The following ERBIN variants were observed in gnomAD, a reference collection of about 807,000 sequenced individuals.
The protein encoded by ERBIN is erbb2 interacting protein, also known as densin-180-like protein.
A neutral mutation model predicts 158.4 loss-of-function variants in ERBIN; 60 were observed. The ratio of observed to expected loss-of-function variants is 0.38; its 90% CI spans 0.31 to 0.47. The LOEUF (loss-of-function observed/expected upper bound fraction) is 0.47. Among genes scored for constraint, ERBIN ranks in the 20% least tolerant of loss-of-function variants. The pLI, the probability that ERBIN is intolerant of heterozygous loss-of-function variation, is 0.99. For missense variants in ERBIN, 1,610 were observed against 1,648.0 expected (o/e 0.98, Z 0.40); for synonymous variants, 594 against 557.2 (o/e 1.07, Z -0.93).
At chr5:65,983,761 C>T (rs1750903415) in intron 1 of ERBIN, among the ~76,000 whole-genome samples, 1 of 152,164 alleles carries the variant, frequency 6.6e-6, no homozygotes, top group African/African-American at 2.4e-5. Context: ...TTGCCATGGC[C>T]TCCAAAGCTT....
chr5:66,023,272 C>CA lies in ERBIN; in HGVS notation c.598-18_598-17insA. The CA allele has an allele frequency of 6.2e-7, 1 of 1,600,238 alleles. No homozygotes were observed. Among genetic ancestry groups the CA allele is most frequent in the Non-Finnish European group, 8.6e-7 (1 of 1,168,558 alleles). Reference sequence around the variant, plus strand: ...AAATTAATTGAATTACTGCTATCCCCTACCCTAATCCCAACAGCCTGAAGT... The same window carrying CA: ...AAATTAATTGAATTACTGCTATCCCCATACCCTAATCCCAACAGCCTGAAGT... On this transcript the variant is annotated splice_polypyrimidine_tract_variant and intron_variant, in intron 8 of 25. Coordinates refer to ENST00000284037, the MANE Select transcript of ERBIN (RefSeq NM_001253697.2).
intron 1 of ERBIN, among the ~76,000 whole-genome samples, chr5:65,944,998 A>G (rs1398208484): frequency 3.9e-5 from 6 of 152,236 alleles, no homozygotes; most frequent in African/African-American, 1.2e-4. Context: ...AAATGGAGCA[A>G]ATGATCTCCT....
intron 1 of ERBIN, among the ~76,000 whole-genome samples, chr5:65,987,439 A>G (rs114236321): frequency 0.21 from 31,195 of 150,992 alleles, 3,983 homozygotes; most frequent in South Asian, 0.32. Context: ...GTGCACGCTT[A>G]TAGTCCCAGC....
At chr5:65,977,219 G>A (rs1400235297) in intron 1 of ERBIN, among the ~76,000 whole-genome samples, 4 of 144,298 alleles carry the variant, frequency 2.8e-5, no homozygotes, top group Admixed American at 2.0e-4. Context: ...CCTCCCTCCC[G>A]GATGGGGCGG....
intron 4 of ERBIN, 30 bp from the exon 5 acceptor site, chr5:66,012,019 C>G (rs761526197): frequency 7.1e-7 from 1 of 1,406,622 alleles, no homozygotes; most frequent in South Asian, 1.2e-5. Flanking sequence ...TGTAATAGAT[C>G]TTTTAATTTG....
chr5:65,985,889 A>G (rs1751173772), intron 1 of ERBIN, among the ~76,000 whole-genome samples: 3 of 152,076 alleles, frequency 2.0e-5, no homozygotes, highest in Admixed American at 1.3e-4. Flanking sequence ...TGGCCATTCT[A>G]AGTCCTTATT....
intron 1 of ERBIN, chr5:65,961,316 G>A (rs1747881183): frequency 6.6e-6 from 1 of 152,194 alleles, no homozygotes; most frequent in African/African-American, 2.4e-5. Context: ...TTGATAAAAT[G>A]TGACTTACGC....
At chr5:66,078,372 C>T in intron 25 of ERBIN, 51 bp from the exon 26 acceptor site, 1 of 1,169,260 alleles carries the variant, frequency 8.6e-7, no homozygotes, top group South Asian at 1.4e-5. Flanking sequence ...GGCAGAAATG[C>T]AAATAAATAA....
chr5:66,057,716 A>C, intron 21 of ERBIN, among the ~76,000 whole-genome samples: 1 of 99,074 alleles, frequency 1.0e-5, no homozygotes, highest in Non-Finnish European at 2.0e-5. Context: ...CCGACCCCAC[A>C]ACAGTCCCCA....
chr5:65,958,071 G>A (rs1747440620), intron 1 of ERBIN, among the ~76,000 whole-genome samples: 1 of 151,726 alleles, frequency 6.6e-6, no homozygotes, highest in Non-Finnish European at 1.5e-5. Flanking sequence ...GGGCGGCAGG[G>A]CAGAGACGCT....
intron 21 of ERBIN, among the ~76,000 whole-genome samples, chr5:66,056,568 A>G (rs1417837680): frequency 6.6e-6 from 1 of 151,890 alleles, no homozygotes; most frequent in African/African-American, 2.4e-5. Context: ...TGAAATATTT[A>G]CATATTTTGA....
intron 1 of ERBIN, among the ~76,000 whole-genome samples, chr5:65,938,146 ATATT>A (rs1744320868): frequency 6.6e-6 from 1 of 151,804 alleles, no homozygotes; most frequent in Non-Finnish European, 1.5e-5. Context: ...TATTTTTGTT[ATATT>A]TATTTCTAAA....
chr5:65,940,894 G>A (rs1387127052), intron 1 of ERBIN, among the ~76,000 whole-genome samples: 1 of 152,178 alleles, frequency 6.6e-6, no homozygotes, highest in African/African-American at 2.4e-5. Context: ...GGCGGGGAAA[G>A]GATTGAGAAA....
chr5:65,927,251 G>A (rs1433451098), intron 1 of ERBIN, among the ~76,000 whole-genome samples: 1 of 152,140 alleles, frequency 6.6e-6, no homozygotes, highest in Non-Finnish European at 1.5e-5. Context: ...TACTCATACC[G>A]ATTATATTGG....
chr5:65,977,289 G>T (rs544233390), intron 1 of ERBIN, among the ~76,000 whole-genome samples: 7 of 147,418 alleles, frequency 4.7e-5, no homozygotes, highest in South Asian at 4.3e-4. Context: ...CTGGCCGGGC[G>T]GGGGGCTGAC....
chr5:65,961,463 C>G (rs568468404), intron 1 of ERBIN: 1 of 152,130 alleles, frequency 6.6e-6, no homozygotes, highest in Non-Finnish European at 1.5e-5. Flanking sequence ...ATCTACTGGC[C>G]TGAAGAGTTT....
At chr5:65,963,538 C>CTG in intron 1 of ERBIN, among the ~76,000 whole-genome samples, 1 of 152,118 alleles carries the variant, frequency 6.6e-6, no homozygotes, top group East Asian at 1.9e-4. Flanking sequence ...GTGGAGGTTG[C>CTG]AGTGAGCTGA....
rs1762242595 is a variant in ERBIN at position 66,078,833 on chromosome 5, A to T, written c.*303A>T. ...TTGTAGGTTTATTTTTGGATTTCATATACATGACTGAACTGTGTGCAAGGC... is the reference window on the plus strand; with the variant it reads ...TTGTAGGTTTATTTTTGGATTTCATTTACATGACTGAACTGTGTGCAAGGC... On this transcript the variant is annotated 3_prime_UTR_variant, in exon 26 of 26. Transcript: ENST00000284037. 3.3e-6 allele frequency: 1 copy of T among 301,472 alleles called. No homozygotes were observed. 18.7% of individuals were successfully genotyped at this position (301,472 alleles called of 1,614,324 possible).
chr5:66,024,601 A>G, intron 10 of ERBIN, 151 bp downstream of exon 10: 8 of 662,386 alleles, frequency 1.2e-5, no homozygotes, highest in Non-Finnish European at 1.7e-5. Context: ...TCAGTTGTAC[A>G]GTTTGCTCCT....
Sources: gnomAD v4.1 joint callset for allele counts (sites outside exome capture counted in the v4.1 genomes callset) on GRCh38, gnomAD v4.1.1 for gene constraint, MANE v1.5 for transcripts, NCBI Gene and HGNC (gene_info 2026-07-23, HGNC 2026-07-21) for gene names.